LAMA2: variants seen among roughly 807,000 people sequenced by gnomAD.
The protein encoded by LAMA2 is laminin subunit alpha-2.
Under a neutral mutation model 364.8 loss-of-function variants are expected in LAMA2, and 269 were observed. The observed-to-expected ratio is 0.74, with a 90% CI of 0.67 to 0.82. LAMA2 has a LOEUF of 0.82. LAMA2 is among the 40% of genes least tolerant of loss of function. LAMA2 has a pLI of 0.00. For synonymous variants in LAMA2, 1,379 were observed against 1,370.6 expected (o/e 1.01, Z -0.14); for missense variants, 3,807 against 3,873.2 (o/e 0.98, Z 0.45).
chr6:129,088,040 C>T (rs62020483), intron 3 of LAMA2, among the ~76,000 whole-genome samples: 2 of 69,260 alleles, frequency 2.9e-5, no homozygotes, highest in South Asian at 1.3e-3. Flanking sequence ...GAGGACCCTG[C>T]GGCCTTCCGC....
intron 1 of LAMA2, among the ~76,000 whole-genome samples, chr6:128,885,325 G>A (rs747603608): frequency 6.6e-5 from 10 of 152,228 alleles, no homozygotes; most frequent in South Asian, 4.1e-4. Context: ...TTATGTACAC[G>A]ATCTTTATTC....
intron 1 of LAMA2, among the ~76,000 whole-genome samples, chr6:128,927,857 A>G (rs1454662766): frequency 6.6e-6 from 1 of 152,246 alleles, no homozygotes; most frequent in Non-Finnish European, 1.5e-5. Flanking sequence ...ATTTTAAATA[A>G]TCACTTAATA....
chr6:128,998,151 T>G (rs4897289), intron 1 of LAMA2, among the ~76,000 whole-genome samples: 87,574 of 151,966 alleles, frequency 0.58, 29,087 homozygotes, highest in East Asian at 0.96. Context: ...CTGGGCACAG[T>G]CATGTTGGTA....
chr6:128,931,387 C>G (rs767323786), intron 1 of LAMA2, among the ~76,000 whole-genome samples: 1 of 152,062 alleles, frequency 6.6e-6, no homozygotes, highest in African/African-American at 2.4e-5. Flanking sequence ...TGCATAATGC[C>G]TAGCAAATAT....
chr6:129,239,676 A>G (rs1280797273), intron 12 of LAMA2, among the ~76,000 whole-genome samples: 2 of 151,994 alleles, frequency 1.3e-5, no homozygotes, highest in African/African-American at 4.8e-5. Flanking sequence ...CAACAGCTCT[A>G]GATATTATTT....
At chr6:129,059,421 G>T (rs1788730694) in intron 2 of LAMA2, among the ~76,000 whole-genome samples, 2 of 152,146 alleles carry the variant, frequency 1.3e-5, no homozygotes, top group Admixed American at 1.3e-4. Context: ...TGTCTCAATA[G>T]TTAGTTGTTG....
chr6:128,957,610 A>G (rs1781229625), intron 1 of LAMA2, among the ~76,000 whole-genome samples: 1 of 151,106 alleles, frequency 6.6e-6, no homozygotes, highest in Admixed American at 6.6e-5. Context: ...TTAGGGGGGG[A>G]AGGGGAGAAA....
intron 1 of LAMA2, 64 bp downstream of exon 1, chr6:128,883,421 A>C: frequency 6.5e-7 from 1 of 1,543,318 alleles, no homozygotes; most frequent in South Asian, 1.2e-5. Context: ...CACTTCTTCC[A>C]CTCTTCCGAG....
At chr6:128,945,274 C>G (rs148933896) in intron 1 of LAMA2, among the ~76,000 whole-genome samples, 2 of 152,090 alleles carry the variant, frequency 1.3e-5, no homozygotes, top group Non-Finnish European at 2.9e-5. Flanking sequence ...ATTTTTAAAA[C>G]CTTGACCTAT....
At chr6:129,368,648 C>T (rs1015389830) in intron 33 of LAMA2, among the ~76,000 whole-genome samples, 1 of 152,116 alleles carries the variant, frequency 6.6e-6, no homozygotes, top group Non-Finnish European at 1.5e-5. Flanking sequence ...AGAAGAGGCT[C>T]CAATTTGTGA....
In LAMA2 at chr6:129,503,103, G is replaced by A; in HGVS notation, c.8370G>A (p.Glu2790=). ...TTTTGTTTCACAGTCTCACAATTGA[G>A]TTGGAAGTAAGAACCGAAGCTGAAT... ...DTKVKNRLTI[E]LEVRTEAESG... is the part of the protein sequence containing the mutation. The change falls in exon 60 of 65, where the codon GAG becomes GAA. Residue 2790 remains glutamate (E), a synonymous_variant. Transcript: ENST00000421865. 1 of 1,614,110 alleles carries A rather than the reference G, an allele frequency of 6.2e-7. No individual in the cohort carries two copies. The highest frequency in any genetic ancestry group is 8.5e-7 in the Non-Finnish European group (1 of 1,179,958).
chr6:129,359,146 A>G (rs1442873785), intron 32 of LAMA2, among the ~76,000 whole-genome samples: 1 of 151,580 alleles, frequency 6.6e-6, no homozygotes, highest in African/African-American at 2.4e-5. Context: ...TCCCATTATT[A>G]TTTATAGTAC....
chr6:129,168,934 A>T (rs1779947650), intron 9 of LAMA2, among the ~76,000 whole-genome samples: 2 of 151,698 alleles, frequency 1.3e-5, no homozygotes, highest in African/African-American at 2.4e-5. Flanking sequence ...GCAATTGTGA[A>T]TGGGAGTTCA....
chr6:129,339,168 G>T (rs181762004), intron 29 of LAMA2, among the ~76,000 whole-genome samples: 1 of 152,258 alleles, frequency 6.6e-6, no homozygotes, highest in East Asian at 1.9e-4. Flanking sequence ...TAGCTAAAAG[G>T]CTATTCTAAT....
chr6:128,894,839 G>A (rs1019663811), intron 1 of LAMA2, among the ~76,000 whole-genome samples: 55 of 152,164 alleles, frequency 3.6e-4, no homozygotes, highest in Non-Finnish European at 7.1e-4. Context: ...CACCACTATT[G>A]CTTTTGCACC....
intron 62 of LAMA2, 62 bp downstream of exon 62, chr6:129,507,704 TA>T: frequency 2.7e-6 from 4 of 1,509,190 alleles, no homozygotes; most frequent in Non-Finnish European, 3.7e-6. Flanking sequence ...AACTTCTTGC[TA>T]GTACCAAATA....
intron 30 of LAMA2, among the ~76,000 whole-genome samples, chr6:129,348,214 C>T (rs1009341750): frequency 1.3e-5 from 2 of 152,158 alleles, no homozygotes; most frequent in African/African-American, 4.8e-5. Context: ...AATTTGTTCA[C>T]ATATTTTGCA....
chr6:129,074,061 G>T (rs1244492847), intron 3 of LAMA2, among the ~76,000 whole-genome samples: 1 of 152,176 alleles, frequency 6.6e-6, no homozygotes, highest in Admixed American at 6.5e-5. Flanking sequence ...TCTGATGGTT[G>T]TTTCTAGTTT....
At chr6:129,286,049 T>C (rs1789090982) in intron 18 of LAMA2, among the ~76,000 whole-genome samples, 1 of 152,138 alleles carries the variant, frequency 6.6e-6, no homozygotes, top group Non-Finnish European at 1.5e-5. Context: ...GCCCCAGAAT[T>C]GGGATTTGTT....
Sources: allele counts gnomAD v4.1 joint callset (sites outside exome capture counted in the v4.1 genomes callset), GRCh38; gene constraint gnomAD v4.1.1; transcripts MANE v1.5; gene names NCBI Gene and HGNC (gene_info 2026-07-23, HGNC 2026-07-21).